Variants in NFIB observed in about 807,000 individuals in gnomAD.
NFIB encodes nuclear factor 1 B-type.
Under a neutral mutation model 61.5 loss-of-function variants are expected in NFIB, and 11 were observed. The ratio of observed to expected loss-of-function variants is 0.18; its 90% CI spans 0.11 to 0.30. The LOEUF (loss-of-function observed/expected upper bound fraction) is 0.30, where lower values mean the gene tolerates loss of function less well. Among genes scored for constraint, NFIB ranks in the 10% least tolerant of loss-of-function variants. The pLI is 1.00. For synonymous variants in NFIB, 260 were observed against 216.5 expected, an observed-to-expected ratio of 1.20 and a Z score of -1.76; for missense variants, 471 against 608.9, an observed-to-expected ratio of 0.77 and a Z score of 2.38.
intron 2 of NFIB, among the ~76,000 whole-genome samples, chr9:14,227,761 C>G (rs982362731): frequency 6.6e-6 from 1 of 152,178 alleles, no homozygotes; most frequent in African/African-American, 2.4e-5. Flanking sequence ...TCAACTCCAT[C>G]TTACAAATGA....
chr9:14,337,133 G>T (rs1025280411), intron 1 of NFIB, among the ~76,000 whole-genome samples: 4 of 152,174 alleles, frequency 2.6e-5, no homozygotes, highest in Admixed American at 2.6e-4. Context: ...GCTTGTGGGT[G>T]ATAGTTTTCT....
intron 9 of NFIB, among the ~76,000 whole-genome samples, chr9:14,114,987 A>C (rs752223605): frequency 6.6e-6 from 1 of 152,210 alleles, no homozygotes; most frequent in Non-Finnish European, 1.5e-5. Context: ...GTTTTTCCTG[A>C]GTAGGTCGCA....
At chr9:14,132,671 G>C (rs1426383918) in intron 6 of NFIB, among the ~76,000 whole-genome samples, 3 of 151,920 alleles carry the variant, frequency 2.0e-5, no homozygotes, top group Non-Finnish European at 4.4e-5. Flanking sequence ...GGGTTCAAGC[G>C]ATCCTCCCAT....
the NFIB span, among the ~76,000 whole-genome samples, chr9:14,497,581 T>C: frequency 1.3e-5 from 2 of 152,204 alleles, no homozygotes; most frequent in African/African-American, 2.4e-5. Flanking sequence ...TGCCATCTTA[T>C]AGCAAATGAG....
chr9:14,099,996 C>T (rs1471971182), intron 10 of NFIB, among the ~76,000 whole-genome samples: 2 of 152,056 alleles, frequency 1.3e-5, no homozygotes, highest in Non-Finnish European at 2.9e-5. Context: ...TCACTTGAAC[C>T]TGGGAAGCGG....
chr9:14,220,306 G>A (rs187489821), intron 2 of NFIB, among the ~76,000 whole-genome samples: 6 of 152,254 alleles, frequency 3.9e-5, no homozygotes, highest in Middle Eastern at 3.4e-3. Context: ...ATTAGTACAC[G>A]CTTCATAAAC....
At chr9:14,147,173 T>A (rs1313474464) in intron 5 of NFIB, among the ~76,000 whole-genome samples, 5 of 152,156 alleles carry the variant, frequency 3.3e-5, no homozygotes, top group Non-Finnish European at 2.9e-5. Flanking sequence ...ATACTAACAA[T>A]GTTCCTTTTA....
intron 2 of NFIB, chr9:14,205,036 C>T (rs2049484886): frequency 3.7e-6 from 1 of 267,702 alleles, no homozygotes; most frequent in East Asian, 7.9e-5. Flanking sequence ...TGCCACCAAA[C>T]TGGGTTAAAT....
chr9:14,284,065 G>C (rs2058556194), intron 2 of NFIB, among the ~76,000 whole-genome samples: 1 of 152,106 alleles, frequency 6.6e-6, no homozygotes, highest in African/African-American at 2.4e-5. Context: ...GCTGGGAAGG[G>C]GCAGTCATGG....
At chr9:14,449,485 G>A in the NFIB span, among the ~76,000 whole-genome samples, 7 of 152,082 alleles carry the variant, frequency 4.6e-5, no homozygotes, top group Non-Finnish European at 8.8e-5. Flanking sequence ...AAAGACAGTC[G>A]GAAATATTCA....
intron 8 of NFIB, among the ~76,000 whole-genome samples, chr9:14,118,376 C>A (rs908982327): frequency 5.3e-5 from 8 of 152,080 alleles, no homozygotes; most frequent in Admixed American, 2.0e-4. Context: ...AATGCTGCCA[C>A]CAAATATATT....
At chr9:14,466,166 G>T in the NFIB span, among the ~76,000 whole-genome samples, 2 of 152,160 alleles carry the variant, frequency 1.3e-5, no homozygotes, top group Non-Finnish European at 2.9e-5. Flanking sequence ...TATGAAGAAA[G>T]GAAACACTGT....
intron 2 of NFIB, among the ~76,000 whole-genome samples, chr9:14,233,566 T>C (rs963915773): frequency 6.6e-6 from 1 of 152,010 alleles, no homozygotes; most frequent in Non-Finnish European, 1.5e-5. Flanking sequence ...GTAGCTGGGA[T>C]TACAGGCCCA....
intron 2 of NFIB, among the ~76,000 whole-genome samples, chr9:14,297,514 TAACAAACA>T (rs897332983): frequency 6.6e-6 from 1 of 152,078 alleles, no homozygotes; most frequent in African/African-American, 2.4e-5. Flanking sequence ...AACACAACAG[TAACAAACA>T]AACAAACAAA....
At chr9:14,372,084 C>T (rs934555752) in intron 1 of NFIB, among the ~76,000 whole-genome samples, 3 of 151,384 alleles carry the variant, frequency 2.0e-5, no homozygotes, top group African/African-American at 7.3e-5. Flanking sequence ...AGGTGCGCAC[C>T]ATCTGAATGT....
At chr9:14,409,741 C>T in the NFIB span, among the ~76,000 whole-genome samples, 1 of 152,134 alleles carries the variant, frequency 6.6e-6, no homozygotes, top group African/African-American at 2.4e-5. Flanking sequence ...ACAGCAATCA[C>T]ACAAAGAAAA....
At chr9:14,391,377 T>C (rs1186583310) in intron 1 of NFIB, among the ~76,000 whole-genome samples, 2 of 145,110 alleles carry the variant, frequency 1.4e-5, no homozygotes, top group East Asian at 2.2e-4. Context: ...CAGGTGACCA[T>C]TAGGTGATGA....
the NFIB span, among the ~76,000 whole-genome samples, chr9:14,424,752 G>A: frequency 5.3e-5 from 8 of 152,270 alleles, no homozygotes; most frequent in South Asian, 6.2e-4. Context: ...ACAGGCAGGC[G>A]AAACAGGCTC....
chr9:14,453,146 GAC>G, the NFIB span, among the ~76,000 whole-genome samples: 3 of 152,160 alleles, frequency 2.0e-5, no homozygotes, highest in African/African-American at 7.2e-5. Context: ...GTATTTAAAG[GAC>G]ACTTGGTCTT....
Sources: gnomAD v4.1 joint callset for allele counts (sites outside exome capture counted in the v4.1 genomes callset) on GRCh38, gnomAD v4.1.1 for gene constraint, MANE v1.5 for transcripts, NCBI Gene and HGNC (gene_info 2026-07-23, HGNC 2026-07-21) for gene names.